Variants in CD226 observed in about 807,000 individuals in gnomAD.
CD226 encodes CD226 molecule.
A neutral mutation model predicts 34.9 loss-of-function variants in CD226; 24 were observed. The observed-to-expected ratio is 0.69, with a 90% CI of 0.50 to 0.97. The LOEUF is 0.97. CD226 is among the 50% of genes least tolerant of loss of function. CD226 has a pLI of 0.00. For missense variants in CD226, 397 were observed against 412.7 expected, an observed-to-expected ratio of 0.96 and a Z score of 0.33; for synonymous variants, 148 against 147.4, an observed-to-expected ratio of 1.00 and a Z score of -0.03.
intron 2 of CD226, among the ~76,000 whole-genome samples, chr18:69,927,278 T>C (rs1262564114): frequency 2.6e-5 from 4 of 152,040 alleles, no homozygotes; most frequent in African/African-American, 9.7e-5. Flanking sequence ...TCCTAGCCTC[T>C]AGAACGGTGA....
rs1251486093 is a variant in CD226 at position 69,853,809 on chromosome 18, C to A, written c.*10505G>T. The A allele has an allele frequency of 2.0e-5, 3 of 152,112 alleles. No individual in the cohort carries two copies. The highest frequency in any genetic ancestry group is 2.1e-4 in the South Asian group (1 of 4,824). 9.4% of individuals were successfully genotyped at this position (152,112 alleles called of 1,614,324 possible). ...TATTTGTATAAGGCCTGATGTTGAT[C>A]CAAGCACAGACAGTGAAACTCAGTA... On this transcript the variant is annotated 3_prime_UTR_variant, in exon 6 of 6. Coordinates refer to ENST00000582621, the MANE Select transcript of CD226 (RefSeq NM_001303618.2).
chr18:69,889,685 C>A (rs138227044), intron 3 of CD226, among the ~76,000 whole-genome samples: 1 of 152,148 alleles, frequency 6.6e-6, no homozygotes, highest in African/African-American at 2.4e-5. Context: ...AAGCCATCTA[C>A]AGGCAAGATT....
chr18:69,926,633 A>G (rs1195926819), intron 2 of CD226, among the ~76,000 whole-genome samples: 1 of 152,186 alleles, frequency 6.6e-6, no homozygotes, highest in Non-Finnish European at 1.5e-5. Context: ...ACTCAACAAG[A>G]TATCTAATTC....
intron 2 of CD226, among the ~76,000 whole-genome samples, chr18:69,935,516 C>T (rs1489541076): frequency 6.6e-6 from 1 of 152,188 alleles, no homozygotes. Context: ...AGGACACCAG[C>T]TCTTACTCAT....
In CD226 at chr18:69,902,031, T is replaced by C. The variant is rs140003673; in HGVS notation, c.383-5986A>G. ...CAGTATTAATGTGCCTGTTTCACAG[T>C]TGAAAAAATAAATATACTGAAGTAG... On this transcript the variant is annotated intron_variant, in intron 2 of 5. Transcript: ENST00000582621. 1.5e-3 allele frequency among the ~76,000 whole-genome samples: 234 copies of C among 152,248 alleles called. 1 individual carries two copies. The highest frequency in any genetic ancestry group is 0.01 in the Middle Eastern group (3 of 294).
At chr18:69,888,384 G>A (rs960844057) in intron 3 of CD226, among the ~76,000 whole-genome samples, 2 of 149,282 alleles carry the variant, frequency 1.3e-5, no homozygotes, top group African/African-American at 4.9e-5. Context: ...TCAAATAAAT[G>A]TAGCCATGCA....
At chr18:69,958,312 T>C (rs922342626), upstream of CD226, among the ~76,000 whole-genome samples, 5 of 152,186 alleles carry the variant, frequency 3.3e-5, no homozygotes, top group South Asian at 2.1e-4. Context: ...ACTTGTAGAA[T>C]AGGACGAAGC....
upstream of CD226, among the ~76,000 whole-genome samples, chr18:69,950,164 TCAAACA>T (rs570730273): frequency 3.4e-4 from 51 of 151,814 alleles, 1 homozygote; most frequent in Admixed American, 2.8e-3. Context: ...GCACGTACTC[TCAAACA>T]CACTCGTACA....
At chr18:69,956,480 A>C (rs1160350509) in intron 1 of CD226, 1 of 152,238 alleles carries the variant, frequency 6.6e-6, no homozygotes, top group Non-Finnish European at 1.5e-5. Flanking sequence ...ATTCTCAAGA[A>C]CTTTACGATC....
chr18:69,939,718 G>C (rs570993435), intron 2 of CD226, among the ~76,000 whole-genome samples: 1 of 152,286 alleles, frequency 6.6e-6, no homozygotes, highest in African/African-American at 2.4e-5. Context: ...AATTTGAAGG[G>C]TGTTTTGGGA....
chr18:69,911,342 A>G (rs527653391), intron 2 of CD226, among the ~76,000 whole-genome samples: 1 of 152,308 alleles, frequency 6.6e-6, no homozygotes, highest in Non-Finnish European at 1.5e-5. Context: ...TCCTTTCTCC[A>G]AATGCTGACA....
chr18:69,936,550 G>A (rs942743768), intron 2 of CD226, among the ~76,000 whole-genome samples: 12 of 152,032 alleles, frequency 7.9e-5, no homozygotes, highest in Admixed American at 4.6e-4. Context: ...ATCCCTTGTG[G>A]ATTCCTTATA....
At chr18:69,922,778 T>C (rs1445641823) in intron 2 of CD226, among the ~76,000 whole-genome samples, 2 of 152,146 alleles carry the variant, frequency 1.3e-5, no homozygotes, top group Non-Finnish European at 2.9e-5. Context: ...TCCACCCTCA[T>C]ACAGCTTTCA....
At chr18:69,950,259 G>GTCTC (rs541981361), upstream of CD226, among the ~76,000 whole-genome samples, 1 of 150,952 alleles carries the variant, frequency 6.6e-6, no homozygotes, top group South Asian at 2.1e-4. Flanking sequence ...CACACACTCT[G>GTCTC]TCTCTCTCTC....
Position 69,864,093 on chromosome 18 carries a change from T to C in CD226, c.*221A>G. On this transcript the variant is annotated 3_prime_UTR_variant, in exon 6 of 6. Transcript: ENST00000582621. ...TCCCCTGGATCATTCTGTTATATGA[T>C]ACAGTAAGTTTTCTTTTGTATATAA... 2.0e-6 allele frequency: 1 copy of C among 496,506 alleles called. No homozygotes were observed. Among genetic ancestry groups the C allele is most frequent in the Non-Finnish European group, 3.6e-6 (1 of 277,942 alleles). 30.8% of individuals were successfully genotyped at this position (496,506 alleles called of 1,614,324 possible). A position where few individuals can be genotyped will look rare whatever the true frequency, so the allele number is the denominator to read the frequency against.
At chr18:69,907,697 G>A (rs558117244) in intron 2 of CD226, among the ~76,000 whole-genome samples, 1 of 152,264 alleles carries the variant, frequency 6.6e-6, no homozygotes, top group African/African-American at 2.4e-5. Flanking sequence ...AGTGGCTGGG[G>A]ATTGGGAGAA....
At chr18:69,891,840 G>A (rs1434190620) in intron 3 of CD226, among the ~76,000 whole-genome samples, 1 of 152,206 alleles carries the variant, frequency 6.6e-6, no homozygotes, top group African/African-American at 2.4e-5. Context: ...CATGATTATT[G>A]TTTTGCCATC....
intron 2 of CD226, among the ~76,000 whole-genome samples, chr18:69,921,560 TG>T (rs1416993422): frequency 3.9e-5 from 6 of 152,296 alleles, no homozygotes; most frequent in African/African-American, 1.2e-4. Flanking sequence ...TTTAATAAGG[TG>T]GCTGTCCTCC....
At chr18:69,913,082 A>G (rs1280031333) in intron 2 of CD226, among the ~76,000 whole-genome samples, 3 of 152,192 alleles carry the variant, frequency 2.0e-5, no homozygotes, top group Admixed American at 1.3e-4. Flanking sequence ...TCTGATGGGC[A>G]GATTCCTCTA....
Sources: allele counts gnomAD v4.1 joint callset (sites outside exome capture counted in the v4.1 genomes callset), GRCh38; gene constraint gnomAD v4.1.1; transcripts MANE v1.5; gene names NCBI Gene and HGNC (gene_info 2026-07-23, HGNC 2026-07-21).